NRXN1: variants seen among roughly 807,000 people sequenced by gnomAD.
NRXN1 encodes the protein neurexin-1.
NRXN1 carries 39 observed loss-of-function variants against 150.9 expected under a neutral mutation model. The observed-to-expected ratio is 0.26, with a 90% confidence interval of 0.20 to 0.34. The LOEUF (loss-of-function observed/expected upper bound fraction) is 0.34, where lower values mean the gene tolerates loss of function less well. NRXN1 is among the 10% of genes least tolerant of loss of function. NRXN1 has a pLI of 1.00. For missense variants in NRXN1, 1,815 were observed against 1,949.9 expected (o/e 0.93, Z 1.30); for synonymous variants, 924 against 757.0 (o/e 1.22, Z -3.62).
intron 2 of NRXN1, among the ~76,000 whole-genome samples, chr2:50,983,110 T>A (rs997518553): frequency 2.0e-5 from 3 of 152,124 alleles, no homozygotes; most frequent in Admixed American, 1.3e-4. Flanking sequence ...GAAGTTCACA[T>A]TTCCAAATCA....
At chr2:49,991,512 T>C (rs1043164209) in intron 21 of NRXN1, among the ~76,000 whole-genome samples, 1 of 152,112 alleles carries the variant, frequency 6.6e-6, no homozygotes, top group Non-Finnish European at 1.5e-5. Context: ...CACATAGATG[T>C]AAATCAAACA....
intron 17 of NRXN1, among the ~76,000 whole-genome samples, chr2:50,418,321 T>C (rs1333216503): frequency 2.0e-5 from 3 of 151,986 alleles, no homozygotes; most frequent in East Asian, 1.9e-4. Flanking sequence ...TTTCACCAAG[T>C]ATAAATGTGG....
intron 21 of NRXN1, among the ~76,000 whole-genome samples, chr2:49,957,450 C>T (rs1455668977): frequency 6.6e-6 from 1 of 152,072 alleles, no homozygotes; most frequent in Non-Finnish European, 1.5e-5. Context: ...AAACTTTATT[C>T]CTAGCACTGG....
chr2:50,265,965 GTTATTATTATTA>G lies in NRXN1; in HGVS notation c.3365-29007_3365-28996del, dbSNP rs757745541. 6.0e-5 allele frequency among the ~76,000 whole-genome samples: 8 copies of G among 132,370 alleles called. No homozygotes were observed. In the East Asian group the frequency reaches 1.1e-3, roughly 17 times the overall value. The allele number at this position is 132,370 out of a possible 152,430, so 86.8% of individuals were successfully genotyped here. On this transcript the variant is annotated intron_variant, in intron 17 of 22. Coordinates refer to ENST00000401669, the MANE Select transcript of NRXN1 (RefSeq NM_001330078.2). The stretch of plus-strand genomic sequence containing the variant: ...AATTTTTTATTTTATTTATTTCTTT[GTTATTATTATTA>G]TTATTATTATTATTATTATTATTTA...
At chr2:50,662,757 T>C (rs966396226) in intron 5 of NRXN1, among the ~76,000 whole-genome samples, 1 of 151,954 alleles carries the variant, frequency 6.6e-6, no homozygotes, top group Non-Finnish European at 1.5e-5. Context: ...ACAATGAGAA[T>C]TTTGATCAGG....
chr2:50,700,867 C>T (rs1429899268), intron 5 of NRXN1, among the ~76,000 whole-genome samples: 3 of 151,578 alleles, frequency 2.0e-5, no homozygotes, highest in Non-Finnish European at 4.4e-5. Flanking sequence ...GGGGTTTCAC[C>T]GTGTTAGCCA....
At chr2:50,730,746 A>C (rs1348254868) in intron 5 of NRXN1, among the ~76,000 whole-genome samples, 1 of 136,212 alleles carries the variant, frequency 7.3e-6, no homozygotes, top group South Asian at 2.3e-4. Flanking sequence ...GATCTGGGCT[A>C]ACTGCAAGCT....
intron 5 of NRXN1, among the ~76,000 whole-genome samples, chr2:50,674,985 A>T (rs1465417533): frequency 6.6e-6 from 1 of 151,608 alleles, no homozygotes; most frequent in African/African-American, 2.4e-5. Context: ...AGGGCAGATG[A>T]TCCCTCAGAA....
At chr2:50,428,577 T>C (rs1329262515) in intron 17 of NRXN1, among the ~76,000 whole-genome samples, 2 of 152,216 alleles carry the variant, frequency 1.3e-5, no homozygotes, top group Non-Finnish European at 2.9e-5. Flanking sequence ...ATTCGTTTCA[T>C]TGTATCTTTC....
chr2:50,221,796 T>C (rs1031047411), intron 18 of NRXN1, among the ~76,000 whole-genome samples: 2 of 151,996 alleles, frequency 1.3e-5, no homozygotes, highest in East Asian at 3.9e-4. Context: ...TATGAGTTAC[T>C]CCCTTGATAT....
intron 17 of NRXN1, among the ~76,000 whole-genome samples, chr2:50,373,182 C>G (rs1336042889): frequency 2.0e-5 from 3 of 151,840 alleles, no homozygotes; most frequent in Non-Finnish European, 2.9e-5. Flanking sequence ...GCCTGGTTCC[C>G]TGTGAGCCAA....
rs1480755968 is a variant in NRXN1 at position 50,721,319 on chromosome 2, T to C, written c.833-97704A>G. Among the ~76,000 whole-genome samples the C allele has an allele frequency of 2.6e-5, 4 of 152,184 alleles. 1 individual carries two copies. The highest frequency in any genetic ancestry group is 5.9e-5 in the Non-Finnish European group (4 of 68,038). On this transcript the variant is annotated intron_variant, in intron 5 of 22. Transcript: ENST00000401669. ...ACACTCTTTCATATGTCTGTCCTGT[T>C]ATAAAATCAGCTCTAGTTTGTACTG... is the stretch of plus-strand genomic sequence containing the variant.
chr2:50,115,238 T>C (rs900971746), intron 18 of NRXN1, among the ~76,000 whole-genome samples: 21 of 145,026 alleles, frequency 1.4e-4, no homozygotes, highest in African/African-American at 5.3e-4. Flanking sequence ...TATATATATA[T>C]ATACACACAC....
intron 5 of NRXN1, among the ~76,000 whole-genome samples, chr2:50,816,048 A>C (rs937625875): frequency 6.6e-6 from 1 of 152,206 alleles, no homozygotes; most frequent in Non-Finnish European, 1.5e-5. Flanking sequence ...TAATTAGTGC[A>C]ACCAAAACAC....
intron 2 of NRXN1, among the ~76,000 whole-genome samples, chr2:51,019,257 C>G (rs1669222542): frequency 6.6e-6 from 1 of 152,068 alleles, no homozygotes; most frequent in Non-Finnish European, 1.5e-5. Flanking sequence ...CAAGTGATCT[C>G]TTCTAACTCA....
chr2:50,389,882 A>G (rs1222069596), intron 17 of NRXN1, among the ~76,000 whole-genome samples: 1 of 152,108 alleles, frequency 6.6e-6, no homozygotes, highest in Non-Finnish European at 1.5e-5. Context: ...CTTTAAATAC[A>G]CCATTGCTGG....
intron 3 of NRXN1, among the ~76,000 whole-genome samples, 193 bp from the exon 4 acceptor site, chr2:50,922,880 G>A (rs940464611): frequency 4.6e-5 from 7 of 151,812 alleles, no homozygotes; most frequent in South Asian, 2.1e-4. Flanking sequence ...CTAGAACTGC[G>A]TTTTAAACAC....
intron 2 of NRXN1, among the ~76,000 whole-genome samples, chr2:51,024,268 T>C (rs181456199): frequency 2.6e-5 from 4 of 152,278 alleles, no homozygotes; most frequent in African/African-American, 9.6e-5. Flanking sequence ...AAAGGTGACA[T>C]TTTTGCTTAG....
chr2:50,564,647 C>T (rs1298535164), intron 8 of NRXN1, among the ~76,000 whole-genome samples: 3 of 152,162 alleles, frequency 2.0e-5, no homozygotes, highest in Non-Finnish European at 4.4e-5. Context: ...ACTGGGTGGA[C>T]TAAATATATG....
Sources: allele counts gnomAD v4.1 joint callset (sites outside exome capture counted in the v4.1 genomes callset), GRCh38; gene constraint gnomAD v4.1.1; transcripts MANE v1.5; gene names NCBI Gene and HGNC (gene_info 2026-07-23, HGNC 2026-07-21).